The following ASTN2 variants were observed in gnomAD, a reference collection of about 807,000 sequenced individuals.
The protein encoded by ASTN2 is astrotactin 2.
In ASTN2, 54 loss-of-function variants were observed where a neutral mutation model predicts 139.8. That is an observed-to-expected ratio of 0.39 (90% CI 0.31 to 0.48). The LOEUF (loss-of-function observed/expected upper bound fraction) is 0.48, where lower values mean the gene tolerates loss of function less well. Ranked by LOEUF, ASTN2 falls within the 20% of genes least tolerant of loss-of-function variation. The probability of loss-of-function intolerance (pLI) is 0.95; values close to 1 mark genes in which losing one functional copy is unlikely to be tolerated. For missense variants in ASTN2, 1,565 were observed against 1,725.1 expected (o/e 0.91, Z 1.64); for synonymous variants, 756 against 719.5 (o/e 1.05, Z -0.81).
intron 15 of ASTN2, among the ~76,000 whole-genome samples, chr9:116,727,244 C>T (rs1828653892): frequency 6.6e-6 from 1 of 152,114 alleles, no homozygotes; most frequent in Non-Finnish European, 1.5e-5. Flanking sequence ...ATGCATCCTC[C>T]CTGCACACCC....
At chr9:116,648,839 G>C (rs1050048289) in intron 17 of ASTN2, among the ~76,000 whole-genome samples, 1 of 152,254 alleles carries the variant, frequency 6.6e-6, no homozygotes, top group African/African-American at 2.4e-5. Flanking sequence ...TTCGAGACCA[G>C]CCTGGCCAAC....
intron 10 of ASTN2, among the ~76,000 whole-genome samples, chr9:116,955,788 G>A (rs1381483658): frequency 3.3e-5 from 5 of 152,198 alleles, no homozygotes; most frequent in African/African-American, 4.8e-5. Flanking sequence ...GTTGTTGTGA[G>A]AATTACAAAT....
At chr9:117,399,479 G>A (rs950709895) in intron 1 of ASTN2, among the ~76,000 whole-genome samples, 17 of 152,126 alleles carry the variant, frequency 1.1e-4, no homozygotes, top group African/African-American at 3.6e-4. Flanking sequence ...TCCAAGTATT[G>A]AACCAGAGAT....
At chr9:116,875,083 C>T (rs1833262019) in intron 10 of ASTN2, among the ~76,000 whole-genome samples, 1 of 152,158 alleles carries the variant, frequency 6.6e-6, no homozygotes, top group Admixed American at 6.5e-5. Flanking sequence ...GGAAATGTCA[C>T]ACATCTCTCA....
intron 13 of ASTN2, among the ~76,000 whole-genome samples, chr9:116,765,342 C>T (rs944033789): frequency 6.6e-6 from 1 of 152,162 alleles, no homozygotes; most frequent in Non-Finnish European, 1.5e-5. Flanking sequence ...AAAACCCCTT[C>T]CCCACAGCAA....
Position 117,271,443 on chromosome 9 carries a change from G to A in ASTN2, c.630+19883C>T, listed in dbSNP as rs112435051. On this transcript the variant is annotated intron_variant, in intron 2 of 22. Coordinates refer to ENST00000313400, the MANE Select transcript of ASTN2 (RefSeq NM_001365068.1). ...GAACAAAGCCAAACCATATCATTCC[G>A]CCCCTGACCCCTCCAAATCTCATGT... is the stretch of plus-strand genomic sequence containing the variant. Among the ~76,000 whole-genome samples the A allele has an allele frequency of 4.5e-3, 684 of 152,146 alleles. 6 individuals are homozygous for A. The highest frequency in any genetic ancestry group is 0.016 in the African/African-American group (647 of 41,504).
intron 13 of ASTN2, among the ~76,000 whole-genome samples, chr9:116,739,806 A>C (rs940070762): frequency 5.3e-5 from 8 of 152,230 alleles, no homozygotes; most frequent in Non-Finnish European, 7.3e-5. Context: ...GAGAAAAAGT[A>C]GGTGCACCAT....
intron 13 of ASTN2, among the ~76,000 whole-genome samples, chr9:116,772,050 A>G (rs546745077): frequency 6.6e-6 from 1 of 152,372 alleles, no homozygotes; most frequent in East Asian, 1.9e-4. Context: ...TACAAAATAT[A>G]TTAAATATTC....
intron 19 of ASTN2, among the ~76,000 whole-genome samples, chr9:116,508,975 C>T (rs4837578): frequency 0.094 from 14,356 of 152,080 alleles, 807 homozygotes; most frequent in Middle Eastern, 0.13. Flanking sequence ...TCATTTCCAT[C>T]CCATACCTCT....
At chr9:117,303,893 C>T (rs185615068) in intron 1 of ASTN2, among the ~76,000 whole-genome samples, 4 of 152,306 alleles carry the variant, frequency 2.6e-5, no homozygotes, top group Admixed American at 6.5e-5. Context: ...ATTTGAAAAG[C>T]GTTTATGTAC....
intron 7 of ASTN2, among the ~76,000 whole-genome samples, chr9:116,979,442 T>C (rs530021953): frequency 9.2e-5 from 14 of 151,950 alleles, no homozygotes; most frequent in African/African-American, 3.1e-4. Context: ...ATGAACTGAT[T>C]GTTGCCAGAG....
Position 117,414,660 on chromosome 9 carries a change from C to T in ASTN2, c.279G>A (p.Gly93=). 7.7e-7 allele frequency: 1 copy of T among 1,298,762 alleles called. No homozygotes were observed. Among genetic ancestry groups the T allele is most frequent in the Non-Finnish European group, 9.7e-7 (1 of 1,029,532 alleles). 80.5% of individuals were successfully genotyped at this position (1,298,762 alleles called of 1,614,324 possible). The change falls in exon 1 of 23, where the codon GGG becomes GGA. Residue 93 remains glycine, a synonymous_variant. Coordinates refer to ENST00000313400, the MANE Select transcript of ASTN2 (RefSeq NM_001365068.1). The surrounding 1 kb of genome is among the most constrained non-coding windows in gnomAD (Gnocchi z 4.2). ...WSGARAGAGA[G]TGAGAAAAAA... is the part of the protein sequence containing the mutation. ...CGGCGGCGGCGGCTCCGGCCCCGGT[C>T]CCAGCCCCGGCCCCGGCGCGGGCGC... is the stretch of plus-strand genomic sequence containing the variant.
At chr9:116,538,255 A>G (rs1851729137) in intron 19 of ASTN2, among the ~76,000 whole-genome samples, 1 of 151,826 alleles carries the variant, frequency 6.6e-6, no homozygotes, top group Non-Finnish European at 1.5e-5. Flanking sequence ...AGAATGAAAA[A>G]GACAGAAAGA....
At chr9:117,330,716 CAAT>C (rs1372566232) in intron 1 of ASTN2, among the ~76,000 whole-genome samples, 7 of 152,192 alleles carry the variant, frequency 4.6e-5, no homozygotes, top group African/African-American at 1.7e-4. Context: ...CCCCTTTTAA[CAAT>C]AATAGGAAAC....
intron 6 of ASTN2, among the ~76,000 whole-genome samples, chr9:117,033,499 T>TA (rs2132637707): frequency 6.6e-6 from 1 of 152,202 alleles, no homozygotes; most frequent in Admixed American, 6.5e-5. Context: ...AACTGAAGCT[T>TA]AAAATGTTTA....
At chr9:116,902,881 A>G (rs751764919) in intron 10 of ASTN2, among the ~76,000 whole-genome samples, 1 of 151,968 alleles carries the variant, frequency 6.6e-6, no homozygotes, top group Non-Finnish European at 1.5e-5. Flanking sequence ...ACAACTTTTT[A>G]CTTCTTTAAA....
intron 3 of ASTN2, among the ~76,000 whole-genome samples, chr9:117,203,461 A>G (rs1047444227): frequency 5.3e-5 from 8 of 151,898 alleles, no homozygotes; most frequent in Non-Finnish European, 1.2e-4. Flanking sequence ...ATTATTTCTC[A>G]TCTTCATGAG....
At chr9:116,927,024 A>C (rs1244648057) in intron 10 of ASTN2, among the ~76,000 whole-genome samples, 1 of 152,240 alleles carries the variant, frequency 6.6e-6, no homozygotes, top group Admixed American at 6.5e-5. Flanking sequence ...TTTTAGAAAA[A>C]CTAATTAGCT....
chr9:117,305,617 T>C (rs1367767729), intron 1 of ASTN2, among the ~76,000 whole-genome samples: 2 of 152,200 alleles, frequency 1.3e-5, no homozygotes, highest in Non-Finnish European at 2.9e-5. Context: ...CACTGGAGCA[T>C]GAAAGCCAGG....
Sources: allele counts gnomAD v4.1 joint callset (sites outside exome capture counted in the v4.1 genomes callset), GRCh38; gene constraint gnomAD v4.1.1; non-coding constraint Gnocchi (gnomAD v3.1); transcripts MANE v1.5; gene names NCBI Gene and HGNC (gene_info 2026-07-23, HGNC 2026-07-21).